FAT3: variants seen among roughly 807,000 people sequenced by gnomAD.
FAT3 encodes the protein protocadherin Fat 3.
Under a neutral mutation model 310.2 loss-of-function variants are expected in FAT3, and 95 were observed. The observed-to-expected ratio is 0.31, with a 90% CI of 0.26 to 0.36. FAT3 has a LOEUF of 0.36. Among genes scored for constraint, FAT3 ranks in the 10% least tolerant of loss-of-function variants. The pLI, the probability that FAT3 is intolerant of heterozygous loss-of-function variation, is 1.00. For missense variants in FAT3, 5,408 were observed against 5,715.6 expected, an observed-to-expected ratio of 0.95 and a Z score of 1.74; for synonymous variants, 2,314 against 2,192.9, an observed-to-expected ratio of 1.06 and a Z score of -1.54.
Position 92,412,746 on chromosome 11 carries a change from A to ATACACACACACATATATAT in FAT3, c.3292+57342_3292+57343insTACACACACACATATATAT, listed in dbSNP as rs1591252852. On this transcript the variant is annotated intron_variant, in intron 2 of 27. Transcript: ENST00000525166. Reference sequence around the variant, plus strand: ...ATATATATATATATATATATATATAAATATACATACATATATATATATTTA... The same window carrying ATACACACACACATATATAT: ...ATATATATATATATATATATATATAATACACACACACATATATATATATACATACATATATATATATTTA... Among the ~76,000 whole-genome samples, 3 of 18,080 alleles carry ATACACACACACATATATAT rather than the reference A, an allele frequency of 1.7e-4. No individual in the cohort carries two copies. In the Admixed American group the frequency reaches 2.7e-3, roughly 16 times the overall value. The allele number at this position is 18,080 out of a possible 152,430, so 11.9% of individuals were successfully genotyped here.
In FAT3 at chr11:92,224,940, G is replaced by A. The variant is rs1863838430; in HGVS notation, c.-252G>A. ...CTCCCGTCCCTCTCCTCCCGCTGCT[G>A]TTCTCTTCATCTCGGCTCCCCTCCT... On this transcript the variant is annotated 5_prime_UTR_variant, in exon 1 of 28. Transcript: ENST00000525166. 6.6e-6 allele frequency among the ~76,000 whole-genome samples: 1 copy of A among 152,082 alleles called. No homozygotes were observed. Among genetic ancestry groups the A allele is most frequent in the African/African-American group, 2.4e-5 (1 of 41,428 alleles).
At chr11:92,233,564 A>T (rs1448891403) in intron 1 of FAT3, among the ~76,000 whole-genome samples, 1 of 152,208 alleles carries the variant, frequency 6.6e-6, no homozygotes, top group Non-Finnish European at 1.5e-5. Flanking sequence ...GTTCAGCTAA[A>T]TAGGTATAAG....
intron 2 of FAT3, among the ~76,000 whole-genome samples, chr11:92,483,150 A>G (rs1187409701): frequency 6.6e-6 from 1 of 152,170 alleles, no homozygotes; most frequent in Non-Finnish European, 1.5e-5. Flanking sequence ...TGATGCTTGG[A>G]CAAGCTAAGT....
At chr11:92,303,300 G>A (rs969616859) in intron 1 of FAT3, among the ~76,000 whole-genome samples, 1 of 151,968 alleles carries the variant, frequency 6.6e-6, no homozygotes, top group Admixed American at 6.6e-5. Context: ...TTTAAATTTT[G>A]TTGCATTGCT....
intron 3 of FAT3, among the ~76,000 whole-genome samples, chr11:92,583,381 G>T (rs942289003): frequency 9.9e-5 from 15 of 151,980 alleles, no homozygotes; most frequent in Non-Finnish European, 1.3e-4. Context: ...CATCATGTTG[G>T]TCTGTGGAAA....
At chr11:92,552,335 A>T (rs894615026) in intron 3 of FAT3, among the ~76,000 whole-genome samples, 8 of 152,210 alleles carry the variant, frequency 5.3e-5, no homozygotes, top group African/African-American at 1.9e-4. Flanking sequence ...AATAAATTGT[A>T]AATAATTTAG....
At position 92,764,981 on chromosome 11, in the gene FAT3, G is replaced by A. The variant is rs372299465; in HGVS notation, c.4087G>A (p.Asp1363Asn). Reference protein sequence around the residue: ...PPPSPIPLTFDEPFYNFTVME... With the variant: ...PPPSPIPLTFNEPFYNFTVME... ...CCCTTCACCTATACCATTGACCTTC[G>A]ATGAGCCGTTTTATAACTTCACAGT... Residue 1363 changes from aspartate to asparagine, a missense_variant, in exon 6 of 28, where the codon GAT (aspartate) becomes AAT (asparagine). Asp to Asn is a conservative substitution (Grantham distance 23). Transcript: ENST00000525166. 9.3e-6 allele frequency: 15 copies of A among 1,613,670 alleles called. No individual in the cohort carries two copies. The highest frequency in any genetic ancestry group is 1.7e-5 in the Admixed American group (1 of 59,984).
intron 1 of FAT3, among the ~76,000 whole-genome samples, chr11:92,245,113 G>A (rs555065970): frequency 6.6e-6 from 1 of 152,176 alleles, no homozygotes; most frequent in Non-Finnish European, 1.5e-5. Context: ...ATGATAGACT[G>A]TATAAAGAAA....
At chr11:92,785,670 T>A (rs1946871904) in intron 7 of FAT3, among the ~76,000 whole-genome samples, 1 of 152,012 alleles carries the variant, frequency 6.6e-6, no homozygotes, top group Admixed American at 6.6e-5. Flanking sequence ...TAAGGAAAAC[T>A]AAATGTTCCC....
chr11:92,249,626 C>T (rs1026717311), intron 1 of FAT3, among the ~76,000 whole-genome samples: 4 of 152,056 alleles, frequency 2.6e-5, no homozygotes, highest in Non-Finnish European at 4.4e-5. Flanking sequence ...GACTGATACT[C>T]GTATCACAGT....
chr11:92,280,737 T>C (rs1946398293), intron 1 of FAT3, among the ~76,000 whole-genome samples: 1 of 152,170 alleles, frequency 6.6e-6, no homozygotes, highest in Non-Finnish European at 1.5e-5. Flanking sequence ...GCTTCGTCTT[T>C]ATTAGGCCAC....
chr11:92,465,113 C>T (rs933703573), intron 2 of FAT3, among the ~76,000 whole-genome samples: 27 of 152,090 alleles, frequency 1.8e-4, no homozygotes, highest in African/African-American at 5.8e-4. Context: ...CTAATATTTG[C>T]AGCCGGGGTA....
chr11:92,465,359 G>T (rs985158293), intron 2 of FAT3, among the ~76,000 whole-genome samples: 2 of 152,180 alleles, frequency 1.3e-5, no homozygotes, highest in African/African-American at 4.8e-5. Context: ...TCCAGGGACT[G>T]ATTTTGGCTA....
chr11:92,426,751 C>A (rs1182232490), intron 2 of FAT3, among the ~76,000 whole-genome samples: 1 of 152,110 alleles, frequency 6.6e-6, no homozygotes, highest in Non-Finnish European at 1.5e-5. Flanking sequence ...GTTTTGGTAC[C>A]AGTACCATGC....
At chr11:92,673,033 C>G (rs1367234167) in intron 3 of FAT3, among the ~76,000 whole-genome samples, 2 of 152,198 alleles carry the variant, frequency 1.3e-5, no homozygotes, top group Non-Finnish European at 1.5e-5. Flanking sequence ...TTTTCCAACT[C>G]TAACAGTTAA....
At chr11:92,274,846 G>T (rs1189419531) in intron 1 of FAT3, among the ~76,000 whole-genome samples, 1 of 151,846 alleles carries the variant, frequency 6.6e-6, no homozygotes, top group Admixed American at 6.6e-5. Context: ...TGTTTATTTT[G>T]CTGTGCTGTT....
chr11:92,509,174 T>C (rs1953208410), intron 2 of FAT3, among the ~76,000 whole-genome samples: 1 of 152,186 alleles, frequency 6.6e-6, no homozygotes, highest in African/African-American at 2.4e-5. Flanking sequence ...TGGTAAATGA[T>C]AGTATTTTTA....
intron 1 of FAT3, among the ~76,000 whole-genome samples, chr11:92,338,348 G>C (rs1219056094): frequency 6.6e-6 from 1 of 152,090 alleles, no homozygotes; most frequent in East Asian, 1.9e-4. Flanking sequence ...TTAGTTTAAG[G>C]CTTATCAAAG....
rs184426961 is a variant in FAT3, at chr11:92,870,654, A to G, written c.12127+3445A>G. Among the ~76,000 whole-genome samples the G allele has an allele frequency of 2.0e-5, 3 of 152,268 alleles. No homozygotes were observed. The East Asian group carries it at 5.8e-4, about 29-fold the overall frequency. Reference sequence around the variant, plus strand: ...AGTCCTCAGTCCTCCACGCCTTATCATGCTTAGCTCAAGCCCATTAATGGA... The same window carrying G: ...AGTCCTCAGTCCTCCACGCCTTATCGTGCTTAGCTCAAGCCCATTAATGGA... On this transcript the variant is annotated intron_variant, in intron 22 of 27. Transcript: ENST00000525166.
Sources: allele counts gnomAD v4.1 joint callset (sites outside exome capture counted in the v4.1 genomes callset), GRCh38; gene constraint gnomAD v4.1.1; transcripts MANE v1.5; gene names NCBI Gene and HGNC (gene_info 2026-07-23, HGNC 2026-07-21).